ARSB: variants seen among roughly 807,000 people sequenced by gnomAD.
The protein encoded by ARSB is arylsulfatase B.
ARSB carries 41 observed loss-of-function variants against 50.9 expected under a neutral mutation model. The observed-to-expected ratio is 0.81, with a 90% CI of 0.63 to 1.04. ARSB has a LOEUF of 1.04. Among genes scored for constraint, ARSB ranks in the 50% least tolerant of loss-of-function variants. The pLI is 0.00. For synonymous variants in ARSB, 269 were observed against 284.8 expected (o/e 0.94, Z 0.56); for missense variants, 672 against 693.3 (o/e 0.97, Z 0.35).
intron 4 of ARSB, among the ~76,000 whole-genome samples, chr5:78,893,797 A>T (rs1289301581): frequency 6.6e-6 from 1 of 152,242 alleles, no homozygotes; most frequent in Admixed American, 6.5e-5. Flanking sequence ...AATCCCCCTG[A>T]CAAGTAGCAC....
intron 6 of ARSB, among the ~76,000 whole-genome samples, chr5:78,820,292 G>T (rs1377538923): frequency 6.6e-6 from 1 of 152,214 alleles, no homozygotes; most frequent in Admixed American, 6.5e-5. Context: ...AGTAGCAATG[G>T]ATTTAGGGAT....
chr5:78,782,109 G>C, intron 6 of ARSB, 135 bp from the exon 7 acceptor site: 1 of 1,118,064 alleles, frequency 8.9e-7, no homozygotes, highest in African/African-American at 1.6e-5. Context: ...CCACAGAAAT[G>C]AATCTTTTAT....
chr5:78,819,412 T>A (rs1744124550), intron 6 of ARSB, among the ~76,000 whole-genome samples: 1 of 152,160 alleles, frequency 6.6e-6, no homozygotes, highest in Admixed American at 6.5e-5. Flanking sequence ...GGTGGGAAAA[T>A]ATGAGGAAAG....
chr5:78,877,691 G>C (rs1246431134), intron 5 of ARSB, among the ~76,000 whole-genome samples: 1 of 152,076 alleles, frequency 6.6e-6, no homozygotes, highest in African/African-American at 2.4e-5. Flanking sequence ...ACCCTGCCTA[G>C]CTAGAAGCTT....
intron 5 of ARSB, among the ~76,000 whole-genome samples, chr5:78,861,611 C>A (rs1388113752): frequency 6.6e-6 from 1 of 152,128 alleles, no homozygotes; most frequent in Non-Finnish European, 1.5e-5. Context: ...TGGGACATAT[C>A]TAAAAACAAT....
At chr5:78,955,028 T>A (rs1751655934) in intron 4 of ARSB, among the ~76,000 whole-genome samples, 1 of 152,058 alleles carries the variant, frequency 6.6e-6, no homozygotes, top group Non-Finnish European at 1.5e-5. Flanking sequence ...TGTATATGAG[T>A]GATGTCCACT....
chr5:78,916,533 C>A (rs541679736), intron 4 of ARSB, among the ~76,000 whole-genome samples: 1 of 152,312 alleles, frequency 6.6e-6, no homozygotes, highest in South Asian at 2.1e-4. Flanking sequence ...TCCTTCCCAT[C>A]CCCAAAGACA....
At chr5:78,936,116 C>CCT (rs1180527893) in intron 4 of ARSB, among the ~76,000 whole-genome samples, 31 of 103,678 alleles carry the variant, frequency 3.0e-4, no homozygotes, top group African/African-American at 1.1e-3. Context: ...TCCATCCCTT[C>CCT]CTCTCTCTCT....
In ARSB at chr5:78,850,736, A is replaced by C. The variant is rs1319101354; in HGVS notation, c.1143-11310T>G. ...CTATTGATTATTGTCACAATTTCAG[A>C]GCCTGTTATTGGTCTATTCAGAGAT... On this transcript the variant is annotated intron_variant, in intron 5 of 7. Transcript: ENST00000264914. Among the ~76,000 whole-genome samples the C allele has an allele frequency of 4.6e-5, 7 of 152,100 alleles. No individual in the cohort carries two copies. The East Asian group carries it at 7.7e-4, about 17-fold the overall frequency.
At chr5:78,886,769 A>T (rs550877968) in intron 4 of ARSB, among the ~76,000 whole-genome samples, 5 of 135,274 alleles carry the variant, frequency 3.7e-5, no homozygotes, top group South Asian at 2.2e-4. Context: ...ATTAAACTTT[A>T]AAAAAAAAAC....
At chr5:78,789,076 C>T (rs933724965) in intron 6 of ARSB, among the ~76,000 whole-genome samples, 1 of 152,208 alleles carries the variant, frequency 6.6e-6, no homozygotes, top group African/African-American at 2.4e-5. Flanking sequence ...GGCAATCCTA[C>T]TCTCTTGACT....
chr5:78,799,247 G>C (rs1323646629), intron 6 of ARSB, among the ~76,000 whole-genome samples: 2 of 152,248 alleles, frequency 1.3e-5, no homozygotes, highest in Non-Finnish European at 2.9e-5. Context: ...CGCCTCAAGT[G>C]CTCAAGAATC....
intron 5 of ARSB, among the ~76,000 whole-genome samples, chr5:78,871,539 A>G (rs1031719554): frequency 4.0e-5 from 6 of 150,072 alleles, no homozygotes; most frequent in Admixed American, 6.7e-5. Context: ...GATCTTTGAC[A>G]AACCTGAGAA....
At chr5:78,946,013 T>G (rs894016746) in intron 4 of ARSB, among the ~76,000 whole-genome samples, 1 of 152,238 alleles carries the variant, frequency 6.6e-6, no homozygotes, top group Non-Finnish European at 1.5e-5. Flanking sequence ...GAGTGTGAGT[T>G]TCCTAAGGGA....
At chr5:78,922,675 G>T (rs544994099) in intron 4 of ARSB, among the ~76,000 whole-genome samples, 1 of 150,884 alleles carries the variant, frequency 6.6e-6, no homozygotes, top group East Asian at 2.0e-4. Flanking sequence ...AAAGGAGAGG[G>T]AATTGTAAAG....
At chr5:78,964,669 T>C in intron 2 of ARSB, 63 bp from the exon 3 acceptor site, 1 of 1,501,404 alleles carries the variant, frequency 6.7e-7, no homozygotes, top group South Asian at 1.1e-5. Flanking sequence ...AACTAATGTT[T>C]CAGCATTTAA....
chr5:78,835,265 G>A (rs144748482), intron 6 of ARSB, among the ~76,000 whole-genome samples: 106 of 152,282 alleles, frequency 7.0e-4, no homozygotes, highest in African/African-American at 2.5e-3. Flanking sequence ...CCACCAGCAG[G>A]ATGGGCCTCT....
intron 6 of ARSB, among the ~76,000 whole-genome samples, chr5:78,785,256 A>T (rs1251810407): frequency 6.6e-6 from 1 of 152,162 alleles, no homozygotes; most frequent in Non-Finnish European, 1.5e-5. Flanking sequence ...CCTTTTGAAT[A>T]ACAGATATTC....
At chr5:78,906,609 T>C (rs1235716611) in intron 4 of ARSB, among the ~76,000 whole-genome samples, 1 of 152,222 alleles carries the variant, frequency 6.6e-6, no homozygotes, top group Non-Finnish European at 1.5e-5. Context: ...TTTTCTTCTC[T>C]GTCCCTATTC....
Sources: allele counts gnomAD v4.1 joint callset (sites outside exome capture counted in the v4.1 genomes callset), GRCh38; gene constraint gnomAD v4.1.1; transcripts MANE v1.5; gene names NCBI Gene and HGNC (gene_info 2026-07-23, HGNC 2026-07-21).